Variants in INPP5D observed in about 807,000 individuals in gnomAD.
INPP5D encodes the protein inositol polyphosphate-5-phosphatase D, also known as phosphatidylinositol 3,4,5-trisphosphate 5-phosphatase 1.
A neutral mutation model predicts 122.9 loss-of-function variants in INPP5D; 33 were observed. The observed-to-expected ratio is 0.27, with a 90% confidence interval of 0.20 to 0.36. INPP5D has a LOEUF of 0.36. INPP5D is among the 10% of genes least tolerant of loss of function. The pLI, the probability that INPP5D is intolerant of heterozygous loss-of-function variation, is 1.00. For missense variants in INPP5D, 1,053 were observed against 1,412.7 expected (o/e 0.75, Z 4.08); for synonymous variants, 584 against 576.2 (o/e 1.01, Z -0.19).
In INPP5D at chr2:233,185,872, G is replaced by A. The variant is rs1190861454; in HGVS notation, c.2305G>A (p.Glu769Lys). 3 of 1,610,064 alleles carry A rather than the reference G, an allele frequency of 1.9e-6. No homozygotes were observed. The highest frequency in any genetic ancestry group is 1.1e-5 in the South Asian group (1 of 89,886). ...SFVKSQEGEN[E>K]EGSEGELVVK... ...TGTCAAGAGTCAGGAAGGAGAAAAT[G>A]AAGAAGGAAGTGAGGGGGAGCTGGT... is the stretch of plus-strand genomic sequence containing the variant. Residue 769 changes from glutamate (E) to lysine (K), a missense_variant, in exon 21 of 27, where the codon GAA becomes AAA. Physicochemically the swap from Glu to Lys is moderately conservative, Grantham distance 56. This residue lies in a region of INPP5D where 258 missense variants were observed against 439.1 expected (regional missense o/e 0.59). Transcript: ENST00000445964.
At chr2:233,061,452 C>T (rs1173843924) in intron 1 of INPP5D, among the ~76,000 whole-genome samples, 1 of 152,118 alleles carries the variant, frequency 6.6e-6, no homozygotes. Flanking sequence ...AATCATTTTG[C>T]CGGGGCCTCA....
chr2:233,122,700 G>T (rs1289081794), intron 3 of INPP5D, among the ~76,000 whole-genome samples: 1 of 152,172 alleles, frequency 6.6e-6, no homozygotes, highest in South Asian at 2.1e-4. Context: ...CTAGCTACTC[G>T]GGAGGCCGAG....
At chr2:233,161,904 G>A (rs1574775769) in intron 11 of INPP5D, 78 bp downstream of exon 11, 3 of 1,526,892 alleles carry the variant, frequency 2.0e-6, no homozygotes, top group Admixed American at 4.0e-5. Flanking sequence ...AAGGTGGGGT[G>A]GAGTGACGAC....
At chr2:233,136,477 T>TA (rs56838121) in intron 5 of INPP5D, among the ~76,000 whole-genome samples, 14 of 145,198 alleles carry the variant, frequency 9.6e-5, no homozygotes, top group South Asian at 2.2e-4. Context: ...AGACCGCGTT[T>TA]AAAAAAAAAA....
chr2:233,148,639 C>G (rs1026200357), intron 9 of INPP5D, among the ~76,000 whole-genome samples: 1 of 152,142 alleles, frequency 6.6e-6, no homozygotes, highest in Non-Finnish European at 1.5e-5. Flanking sequence ...AGAGGGCTGA[C>G]GAAAGCATGA....
rs1260502006 is a variant in INPP5D, at chr2:233,164,323, T to G, written c.1454T>G (p.Leu485Arg). 1 of 1,551,354 alleles carries G rather than the reference T, an allele frequency of 6.4e-7. No individual in the cohort carries two copies. Among genetic ancestry groups the G allele is most frequent in the Non-Finnish European group, 8.7e-7 (1 of 1,146,886 alleles). ...TCCCACCAGGTCGCCATCCACACGC[T>G]CTGGAACATCCGCATCGTGGTGCTG... is the stretch of plus-strand genomic sequence containing the variant. The part of the protein sequence containing the change: ...VTFKTVAIHT[L>R]WNIRIVVLAK... Residue 485 changes from leucine (L) to arginine (R), a missense_variant, in exon 13 of 27, where the codon CTC (leucine) becomes CGC (arginine). Physicochemically the swap from Leu to Arg is moderately radical, Grantham distance 102. Transcript: ENST00000445964. The surrounding 1 kb of genome is among the most constrained non-coding windows in gnomAD (Gnocchi z 4.3).
chr2:233,104,850 G>A (rs1692422420), intron 2 of INPP5D, among the ~76,000 whole-genome samples: 1 of 152,154 alleles, frequency 6.6e-6, no homozygotes, highest in Admixed American at 6.5e-5. Context: ...ATTCATGAAA[G>A]AAGGGCTCCC....
At chr2:233,150,430 T>C (rs1693892814) in intron 9 of INPP5D, among the ~76,000 whole-genome samples, 1 of 152,222 alleles carries the variant, frequency 6.6e-6, no homozygotes, top group Non-Finnish European at 1.5e-5. Context: ...CCATTAAAAC[T>C]CTTTCCTTTA....
intron 17 of INPP5D, among the ~76,000 whole-genome samples, chr2:233,174,969 AT>A (rs1304368390): frequency 6.6e-6 from 1 of 152,004 alleles, no homozygotes; most frequent in Non-Finnish European, 1.5e-5. Flanking sequence ...GCTCACGCCT[AT>A]AATCCCAGAG....
intron 5 of INPP5D, among the ~76,000 whole-genome samples, chr2:233,136,232 C>A (rs972936724): frequency 6.6e-6 from 1 of 152,232 alleles, no homozygotes; most frequent in Admixed American, 6.5e-5. Context: ...AATCCCAACA[C>A]TTTGGGAGGC....
Position 233,204,718 on chromosome 2 carries a change from G to C in INPP5D, c.3567+1G>C. 6.6e-7 allele frequency: 1 copy of C among 1,506,506 alleles called. No homozygotes were observed. The highest frequency in any genetic ancestry group is 8.8e-7 in the Non-Finnish European group (1 of 1,130,740). The allele number at this position is 1,506,506 out of a possible 1,614,324, so 93.3% of individuals were successfully genotyped here. A position where few individuals can be genotyped will look rare whatever the true frequency, so the allele number is the denominator to read the frequency against. ...GCCTCTAGGCAGGACTGCCATGCAGGTGCGCTGCGCCACACGTGGGTTCGT... is the reference window on the plus strand; with the variant it reads ...GCCTCTAGGCAGGACTGCCATGCAGCTGCGCTGCGCCACACGTGGGTTCGT... On this transcript the variant is annotated splice_donor_variant, in intron 26 of 26. Transcript: ENST00000445964. LOFTEE classifies it high-confidence loss of function.
chr2:233,099,306 G>A (rs577466673), intron 2 of INPP5D, among the ~76,000 whole-genome samples: 24 of 152,274 alleles, frequency 1.6e-4, no homozygotes, highest in Middle Eastern at 3.4e-3. Flanking sequence ...ACACCAGCCC[G>A]TTACTCCAGA....
Position 233,170,386 on chromosome 2 carries a change from C to T in INPP5D, c.1792-110C>T, listed in dbSNP as rs1482271529. 4.6e-6 allele frequency: 7 copies of T among 1,530,138 alleles called. No homozygotes were observed. Among genetic ancestry groups the T allele is most frequent in the Non-Finnish European group, 6.2e-6 (7 of 1,133,326 alleles). The allele number at this position is 1,530,138 out of a possible 1,614,324, so 94.8% of individuals were successfully genotyped here. A position where few individuals can be genotyped will look rare whatever the true frequency, so the allele number is the denominator to read the frequency against. On this transcript the variant is annotated intron_variant, in intron 15 of 26. Coordinates refer to ENST00000445964, the MANE Select transcript of INPP5D (RefSeq NM_001017915.3). This position sits in a 1 kb window ranked among gnomAD's most constrained non-coding sequence, Gnocchi z 4.5. The stretch of plus-strand genomic sequence containing the variant: ...CATAACTGTCACAGCCACCCTGCCA[C>T]CATCACTCTGCAGCCCGGGTCATCC...
At chr2:233,149,897 C>T (rs151202633) in intron 9 of INPP5D, among the ~76,000 whole-genome samples, 1 of 152,198 alleles carries the variant, frequency 6.6e-6, no homozygotes, top group East Asian at 1.9e-4. Flanking sequence ...TTGACTGTCA[C>T]CACCACCACC....
At position 233,170,143 on chromosome 2, in the gene INPP5D, C is replaced by T. The variant is rs566775992; in HGVS notation, c.1770C>T (p.Tyr590=). The T allele has an allele frequency of 5.4e-5, 87 of 1,614,010 alleles. No homozygotes were observed. The South Asian group carries it at 8.5e-4, about 16-fold the overall frequency. Residue 590 remains tyrosine, a synonymous_variant, in exon 15 of 27, where the codon TAC becomes TAT. Transcript: ENST00000445964. The surrounding 1 kb of genome is among the most constrained non-coding windows in gnomAD (Gnocchi z 4.5). ...TCTTCTGGTTTGGGGATCTTAACTA[C>T]CGTGTGGATCTGCCTACCTGGGTAA... The part of the protein sequence containing the change: ...THLFWFGDLN[Y]RVDLPTWEAE...
chr2:233,096,204 G>A (rs1383959397), intron 2 of INPP5D, among the ~76,000 whole-genome samples: 1 of 152,088 alleles, frequency 6.6e-6, no homozygotes, highest in Non-Finnish European at 1.5e-5. Flanking sequence ...GCTTTGCCCG[G>A]GGCTCTTCCG....
intron 13 of INPP5D, among the ~76,000 whole-genome samples, chr2:233,165,024 A>G (rs1332080444): frequency 6.6e-6 from 1 of 152,218 alleles, no homozygotes; most frequent in Non-Finnish European, 1.5e-5. Context: ...TGCTGGCTTC[A>G]GAGAGCAGTA....
At position 233,198,304 on chromosome 2, in the gene INPP5D, C is replaced by T. The variant is rs756895496; in HGVS notation, c.2903C>T (p.Pro968Leu). ...AGTCCTCCGACACCTCCCGGCCAGC[C>T]GCCCATATCACCCAAGAAGTTTTTA... Reference protein sequence around the residue: ...GESPPTPPGQPPISPKKFLPS... With the variant: ...GESPPTPPGQLPISPKKFLPS... Residue 968 changes from proline to leucine, a missense_variant, in exon 25 of 27, where the codon CCG (proline) becomes CTG (leucine). Around this residue, in one of 6 missense-constraint regions of INPP5D, gnomAD observed 417 missense variants for 425.8 expected, o/e 0.98. Transcript: ENST00000445964. 23 of 1,613,506 alleles carry T rather than the reference C, an allele frequency of 1.4e-5. No homozygotes were observed. In the East Asian group the frequency reaches 1.8e-4, roughly 13 times the overall value.
At chr2:233,136,276 G>A (rs933980869) in intron 5 of INPP5D, among the ~76,000 whole-genome samples, 6 of 152,154 alleles carry the variant, frequency 3.9e-5, no homozygotes, top group Non-Finnish European at 5.9e-5. Context: ...TCAGGAGTTC[G>A]AGACCAGCCT....
Sources: allele counts gnomAD v4.1 joint callset (sites outside exome capture counted in the v4.1 genomes callset), GRCh38; gene constraint gnomAD v4.1.1; regional missense constraint gnomAD v4.1.1; non-coding constraint Gnocchi (gnomAD v3.1); transcripts MANE v1.5; gene names NCBI Gene and HGNC (gene_info 2026-07-23, HGNC 2026-07-21).